The following PVT1 variants were observed in gnomAD, a reference collection of about 807,000 sequenced individuals.
PVT1 encodes the protein Pvt1 oncogene.
At chr8:128,032,976 G>T (rs530536022) in intron 4 of PVT1, among the ~76,000 whole-genome samples, 18 of 152,352 alleles carry the variant, frequency 1.2e-4, no homozygotes, top group South Asian at 2.1e-4. Context: ...AGAGGTGCAT[G>T]GTGGAGGGTG....
intron 3 of PVT1, among the ~76,000 whole-genome samples, chr8:127,961,708 G>A (rs1353405376): frequency 6.6e-6 from 1 of 152,236 alleles, no homozygotes; most frequent in Non-Finnish European, 1.5e-5. Context: ...GGAACAACTT[G>A]AAGGATTGTT....
chr8:128,028,566 G>A lies in PVT1; in HGVS notation n.912+39275G>A, dbSNP rs138602778. ...CTGGCTTTGGCTTCAGATGAGTGTC[G>A]AGCGCCTCACTCTGCCATCTCTAGC... On this transcript the variant is annotated intron_variant and non_coding_transcript_variant, in intron 4 of 10. Coordinates refer to ENST00000651587, the Ensembl canonical transcript of PVT1. Among the ~76,000 whole-genome samples, 635 of 152,276 alleles carry A rather than the reference G, an allele frequency of 4.2e-3. 3 individuals are homozygous for A. The highest frequency in any genetic ancestry group is 0.014 in the African/African-American group (601 of 41,552).
At chr8:127,972,008 T>C (rs1563653774) in intron 3 of PVT1, among the ~76,000 whole-genome samples, 1 of 152,230 alleles carries the variant, frequency 6.6e-6, no homozygotes, top group Non-Finnish European at 1.5e-5. Flanking sequence ...AGTCTGAGAA[T>C]TGCTGTCCTG....
intron 4 of PVT1, among the ~76,000 whole-genome samples, chr8:127,997,568 C>T (rs34575579): frequency 0.26 from 39,460 of 152,050 alleles, 5,272 homozygotes; most frequent in East Asian, 0.41. Context: ...AGCCCCTCTG[C>T]TGCCACACCC....
Position 127,865,284 on chromosome 8 carries a change from G to A in PVT1, n.373-25305G>A, listed in dbSNP as rs1451920542. On this transcript the variant is annotated intron_variant and non_coding_transcript_variant, in intron 2 of 10. Transcript: ENST00000651587. ...TCTGGGGGCTTTGCAGATATTGAAC[G>A]GCAGCCTGAGGATGGGGATAAACCT... 2.0e-5 allele frequency among the ~76,000 whole-genome samples: 3 copies of A among 152,104 alleles called. No individual in the cohort carries two copies. In the South Asian group the frequency reaches 6.2e-4, roughly 32 times the overall value.
At chr8:127,938,806 C>T (rs538722295) in intron 3 of PVT1, among the ~76,000 whole-genome samples, 7 of 152,256 alleles carry the variant, frequency 4.6e-5, no homozygotes, top group South Asian at 4.2e-4. Context: ...GTGTGGCAGG[C>T]GAGTGGGTCT....
intron 4 of PVT1, among the ~76,000 whole-genome samples, chr8:128,015,945 A>G (rs2130044736): frequency 6.6e-6 from 1 of 152,130 alleles, no homozygotes; most frequent in South Asian, 2.1e-4. Context: ...AAGGCACACC[A>G]CTTCTTAAAC....
intron 2 of PVT1, among the ~76,000 whole-genome samples, chr8:127,862,296 T>C (rs1392011598): frequency 1.3e-5 from 2 of 151,654 alleles, no homozygotes; most frequent in Non-Finnish European, 2.9e-5. Context: ...TAATCCCAGC[T>C]ATTCAGGAGG....
intron 3 of PVT1, among the ~76,000 whole-genome samples, chr8:127,892,945 C>T (rs1467013179): frequency 6.6e-6 from 1 of 152,170 alleles, no homozygotes; most frequent in East Asian, 1.9e-4. Flanking sequence ...GGCAGCTGTG[C>T]CTCACTTATC....
intron 3 of PVT1, among the ~76,000 whole-genome samples, chr8:127,955,859 C>T (rs776479569): frequency 6.6e-6 from 1 of 152,220 alleles, no homozygotes; most frequent in South Asian, 2.1e-4. Flanking sequence ...TGCTGGGTTA[C>T]AGGCGTGAAC....
At chr8:128,002,929 C>T (rs951604827) in intron 4 of PVT1, among the ~76,000 whole-genome samples, 8 of 149,946 alleles carry the variant, frequency 5.3e-5, no homozygotes, top group African/African-American at 1.7e-4. Context: ...CTTCCTCCCT[C>T]CCTGTCTCCC....
chr8:127,993,072 T>C (rs895306642), intron 4 of PVT1, among the ~76,000 whole-genome samples: 1 of 152,250 alleles, frequency 6.6e-6, no homozygotes, highest in Non-Finnish European at 1.5e-5. Flanking sequence ...ATTTCTCTAT[T>C]ACTGTTTCTT....
At chr8:127,934,808 G>A (rs1816252809) in intron 3 of PVT1, among the ~76,000 whole-genome samples, 1 of 152,126 alleles carries the variant, frequency 6.6e-6, no homozygotes, top group South Asian at 2.1e-4. Flanking sequence ...GGAGGGCCTG[G>A]AGCTGGGCTG....
At chr8:127,850,951 G>C (rs1219349523) in intron 2 of PVT1, among the ~76,000 whole-genome samples, 1 of 151,626 alleles carries the variant, frequency 6.6e-6, no homozygotes, top group Non-Finnish European at 1.5e-5. Flanking sequence ...AGATTGCAAT[G>C]AGCCAAGATC....
chr8:127,931,936 C>A (rs993763752), intron 3 of PVT1, among the ~76,000 whole-genome samples: 3 of 152,240 alleles, frequency 2.0e-5, no homozygotes, highest in Non-Finnish European at 2.9e-5. Context: ...TCGCTTGGCG[C>A]TGTGTGACTG....
intron 5 of PVT1, among the ~76,000 whole-genome samples, chr8:128,081,643 G>A (rs1358181632): frequency 6.6e-6 from 1 of 152,204 alleles, no homozygotes; most frequent in Non-Finnish European, 1.5e-5. Flanking sequence ...CTTTCTGAGT[G>A]TGAGATCCAC....
chr8:127,812,626 GAGGA>G (rs776722018), intron 2 of PVT1, among the ~76,000 whole-genome samples: 89 of 146,136 alleles, frequency 6.1e-4, no homozygotes, highest in Middle Eastern at 7.2e-3. Flanking sequence ...GAAAGGGAGA[GAGGA>G]AGGAAGGAAG....
At chr8:128,054,245 C>T (rs1370345239) in intron 4 of PVT1, among the ~76,000 whole-genome samples, 1 of 152,202 alleles carries the variant, frequency 6.6e-6, no homozygotes, top group Non-Finnish European at 1.5e-5. Flanking sequence ...ACTTTATTGC[C>T]ACCAGGAAGT....
In PVT1 at chr8:127,804,611, G is replaced by A. The variant is rs539737371; in HGVS notation, n.372+8540G>A. Among the ~76,000 whole-genome samples the A allele has an allele frequency of 2.1e-5, 3 of 143,212 alleles. No individual in the cohort carries two copies. The South Asian group carries it at 6.6e-4, about 32-fold the overall frequency. The allele number at this position is 143,212 out of a possible 152,430, so 94.0% of individuals were successfully genotyped here. A position where few individuals can be genotyped will look rare whatever the true frequency, so the allele number is the denominator to read the frequency against. On this transcript the variant is annotated intron_variant and non_coding_transcript_variant, in intron 2 of 10. Coordinates refer to ENST00000651587, the Ensembl canonical transcript of PVT1. ...GCTGGAGTGCAGTGGCACAATCTCA[G>A]CTCACTGCAACCTCTACCTCCCAGG...
Sources: gnomAD v4.1 joint callset for allele counts (sites outside exome capture counted in the v4.1 genomes callset) on GRCh38, gnomAD v4.1.1 for gene constraint, MANE v1.5 for transcripts, NCBI Gene and HGNC (gene_info 2026-07-23, HGNC 2026-07-21) for gene names.